PLCG2: variants seen among roughly 807,000 people sequenced by gnomAD.
The protein encoded by PLCG2 is 1-phosphatidylinositol 4,5-bisphosphate phosphodiesterase gamma-2.
PLCG2 carries 69 observed loss-of-function variants against 175.6 expected under a neutral mutation model. The observed-to-expected ratio is 0.39, with a 90% CI of 0.32 to 0.48. The LOEUF (loss-of-function observed/expected upper bound fraction) is 0.48, where lower values mean the gene tolerates loss of function less well. PLCG2 is among the 20% of genes least tolerant of loss of function. PLCG2 has a pLI of 0.91. For missense variants in PLCG2, 1,798 were observed against 1,650.9 expected, an observed-to-expected ratio of 1.09 and a Z score of -1.54; for synonymous variants, 827 against 624.0, an observed-to-expected ratio of 1.33 and a Z score of -4.85.
At chr16:81,868,785 C>A (rs1335403162) in intron 5 of PLCG2, among the ~76,000 whole-genome samples, 2 of 152,266 alleles carry the variant, frequency 1.3e-5, no homozygotes, top group African/African-American at 4.8e-5. Context: ...GAATCTCCTG[C>A]AAGACCTTCC....
intron 5 of PLCG2, among the ~76,000 whole-genome samples, chr16:81,859,566 G>A (rs990468919): frequency 2.6e-5 from 4 of 151,468 alleles, no homozygotes; most frequent in African/African-American, 7.3e-5. Context: ...ACGGAGTCTC[G>A]CTCTTTCGCC....
chr16:81,895,498 T>A (rs1011962247), intron 12 of PLCG2: 1 of 268,882 alleles, frequency 3.7e-6, no homozygotes, highest in African/African-American at 2.2e-5. Flanking sequence ...AGGCGGAGAT[T>A]GCAATGGGCC....
chr16:81,870,597 G>C (rs940677352), intron 6 of PLCG2, among the ~76,000 whole-genome samples: 4 of 152,178 alleles, frequency 2.6e-5, no homozygotes, highest in Non-Finnish European at 4.4e-5. Context: ...AGGGGGATTA[G>C]GGAACGTGTG....
chr16:81,797,036 T>G lies in PLCG2; in HGVS notation c.193+10854T>G, dbSNP rs1256017779. Among the ~76,000 whole-genome samples the G allele has an allele frequency of 2.0e-5, 3 of 152,246 alleles. No homozygotes were observed. The East Asian group carries it at 5.8e-4, about 29-fold the overall frequency. On this transcript the variant is annotated intron_variant, in intron 2 of 32. Coordinates refer to ENST00000564138, the MANE Select transcript of PLCG2 (RefSeq NM_002661.5). The stretch of plus-strand genomic sequence containing the variant: ...ATAACGGAATTTAAGAGGCGTTGCT[T>G]TCTTCCACGTGTCATGTTATTTTCT...
chr16:81,778,961 G>T (rs62046428), upstream of PLCG2, among the ~76,000 whole-genome samples: 18,658 of 152,146 alleles, frequency 0.12, 1,700 homozygotes, highest in East Asian at 0.46. Flanking sequence ...GCGCCCGGCC[G>T]GGAGTGTGTT....
chr16:81,860,779 T>A (rs181742206), intron 5 of PLCG2, among the ~76,000 whole-genome samples: 1 of 152,202 alleles, frequency 6.6e-6, no homozygotes, highest in East Asian at 1.9e-4. Flanking sequence ...GAGACCAGCC[T>A]GGGCAACACG....
intron 31 of PLCG2, among the ~76,000 whole-genome samples, chr16:81,950,657 A>T (rs1376050201): frequency 1.3e-5 from 2 of 152,352 alleles, no homozygotes; most frequent in Non-Finnish European, 2.9e-5. Context: ...ATGATTTCCT[A>T]AGTCATTGGC....
At chr16:81,863,666 G>C (rs115816567) in intron 5 of PLCG2, among the ~76,000 whole-genome samples, 1,934 of 152,328 alleles carry the variant, frequency 0.013, 47 homozygotes, top group African/African-American at 0.043. Flanking sequence ...TTCTGTAGCA[G>C]CTACACCTTC....
chr16:81,765,049 T>C (rs148414020), intron 2 of PLCG2, among the ~76,000 whole-genome samples: 5 of 106,004 alleles, frequency 4.7e-5, no homozygotes, highest in Non-Finnish European at 1.1e-4. Context: ...GATCACCCCA[T>C]TGCACTCCAG....
chr16:81,883,746 C>T (rs2143577754), intron 9 of PLCG2, among the ~76,000 whole-genome samples: 1 of 152,328 alleles, frequency 6.6e-6, no homozygotes, highest in Middle Eastern at 3.4e-3. Context: ...GGATCAGATT[C>T]ATCAAGCCTG....
intron 30 of PLCG2, among the ~76,000 whole-genome samples, chr16:81,945,863 C>T (rs1180373458): frequency 6.6e-6 from 1 of 152,220 alleles, no homozygotes; most frequent in Non-Finnish European, 1.5e-5. Context: ...AATTGAACCA[C>T]AGCTGCAATC....
At position 81,961,515 on chromosome 16, in the gene PLCG2, A is replaced by G. The variant is rs576552427; in HGVS notation, c.*3517A>G. On this transcript the variant is annotated 3_prime_UTR_variant, in exon 33 of 33. Coordinates refer to ENST00000564138, the MANE Select transcript of PLCG2 (RefSeq NM_002661.5). ...TAGGATACTATATAATACTTTTGGT[A>G]CAGAGATAGAATTAAATAACATAAA... is the stretch of plus-strand genomic sequence containing the variant. The G allele has an allele frequency of 1.8e-5, 4 of 221,202 alleles. No individual in the cohort carries two copies. Among genetic ancestry groups the G allele is most frequent in the Admixed American group, 1.7e-4 (3 of 17,384 alleles). The allele number at this position is 221,202 out of a possible 1,614,324, so 13.7% of individuals were successfully genotyped here.
chr16:81,834,975 C>T (rs561323669), intron 2 of PLCG2, among the ~76,000 whole-genome samples: 67 of 152,244 alleles, frequency 4.4e-4, no homozygotes, highest in Non-Finnish European at 2.4e-4. Flanking sequence ...AGAACAGACC[C>T]TGTGGGCAGG....
intron 1 of PLCG2, among the ~76,000 whole-genome samples, chr16:81,746,159 C>T (rs1195125352): frequency 6.6e-6 from 1 of 152,214 alleles, no homozygotes; most frequent in African/African-American, 2.4e-5. Flanking sequence ...CATGGGTGCT[C>T]AGGGCACTGT....
intron 2 of PLCG2, chr16:81,766,910 G>C (rs71400172): frequency 6.6e-6 from 1 of 152,248 alleles, no homozygotes; most frequent in East Asian, 1.9e-4. Context: ...CAAACTGGAA[G>C]TCTGTCCAGG....
At position 81,876,221 on chromosome 16, in the gene PLCG2, C is replaced by G. The variant is rs574445185; in HGVS notation, c.649-4689C>G. On this transcript the variant is annotated intron_variant, in intron 7 of 32. Coordinates refer to ENST00000564138, the MANE Select transcript of PLCG2 (RefSeq NM_002661.5). The stretch of plus-strand genomic sequence containing the variant: ...TGTATTTTTTGTAGAGACAGTTTCA[C>G]CATGTTACCCAGGCTAGGCTTGAAC... 1.3e-4 allele frequency among the ~76,000 whole-genome samples: 20 copies of G among 151,992 alleles called. 1 individual carries two copies. The highest frequency in any genetic ancestry group is 4.8e-4 in the African/African-American group (20 of 41,450).
intron 2 of PLCG2, among the ~76,000 whole-genome samples, chr16:81,765,899 C>T (rs1910139479): frequency 6.6e-6 from 1 of 152,206 alleles, no homozygotes; most frequent in Admixed American, 6.5e-5. Context: ...TAGGAAAGGG[C>T]CCTGGGGGCC....
intron 20 of PLCG2, among the ~76,000 whole-genome samples, chr16:81,920,928 T>G (rs1432154899): frequency 6.6e-6 from 1 of 152,144 alleles, no homozygotes; most frequent in Non-Finnish European, 1.5e-5. Flanking sequence ...CCATCGCATC[T>G]TAGGATTTGT....
chr16:81,916,290 A>T (rs899610038), intron 19 of PLCG2, among the ~76,000 whole-genome samples: 10 of 91,956 alleles, frequency 1.1e-4, no homozygotes, highest in African/African-American at 1.4e-4. Context: ...ATCCTTTTTT[A>T]AAAAAAGAAA....
Sources: gnomAD v4.1 joint callset for allele counts (sites outside exome capture counted in the v4.1 genomes callset) on GRCh38, gnomAD v4.1.1 for gene constraint, MANE v1.5 for transcripts, NCBI Gene and HGNC (gene_info 2026-07-23, HGNC 2026-07-21) for gene names.